The following CRACD variants were observed in gnomAD, a reference collection of about 807,000 sequenced individuals.
The protein encoded by CRACD is capping protein inhibiting regulator of actin dynamics.
A neutral mutation model predicts 106.8 loss-of-function variants in CRACD; 56 were observed. The observed-to-expected ratio is 0.52, with a 90% CI of 0.42 to 0.66. The LOEUF is 0.66. Among genes scored for constraint, CRACD ranks in the 30% least tolerant of loss-of-function variants. The pLI is 0.00. For missense variants in CRACD, 1,730 were observed against 1,623.2 expected (o/e 1.07, Z -1.13); for synonymous variants, 754 against 670.8 (o/e 1.12, Z -1.92).
chr4:56,314,845 C>A lies in CRACD; in HGVS notation c.1343C>A (p.Pro448Gln). The A allele has an allele frequency of 1.9e-6, 3 of 1,611,644 alleles. No individual in the cohort carries two copies. Among genetic ancestry groups the A allele is most frequent in the Non-Finnish European group, 2.5e-6 (3 of 1,179,392 alleles). The change falls in exon 8 of 11, where the codon CCA becomes CAA. Residue 448 changes from proline to glutamine, a missense_variant. Physicochemically the swap from Pro to Gln is moderately conservative, Grantham distance 76. Transcript: ENST00000682029. This position sits in a 1 kb window ranked among gnomAD's most constrained non-coding sequence, Gnocchi z 4.4. ...PEGQREHSEE[P>Q]GICEEQNPEA... ...GGACAAAGAGAACACTCCGAGGAGC[C>A]AGGTATTTGCGAGGAGCAGAACCCA...
intron 1 of CRACD, among the ~76,000 whole-genome samples, chr4:56,059,176 G>C (rs1465053531): frequency 6.6e-6 from 1 of 152,172 alleles, no homozygotes; most frequent in Non-Finnish European, 1.5e-5. Context: ...GGTGGCGCCT[G>C]TCTGTAGTCC....
At chr4:56,202,674 A>G (rs928407143) in intron 2 of CRACD, among the ~76,000 whole-genome samples, 3 of 152,228 alleles carry the variant, frequency 2.0e-5, no homozygotes, top group African/African-American at 4.8e-5. Flanking sequence ...AATTCTAATT[A>G]GTATATCAGC....
At chr4:56,180,928 T>C (rs931962895) in intron 2 of CRACD, among the ~76,000 whole-genome samples, 3 of 152,196 alleles carry the variant, frequency 2.0e-5, no homozygotes, top group Non-Finnish European at 4.4e-5. Flanking sequence ...TTAATTTTTT[T>C]CTAATTTTTT....
intron 1 of CRACD, among the ~76,000 whole-genome samples, chr4:56,146,832 G>T (rs1735399663): frequency 6.6e-6 from 1 of 152,126 alleles, no homozygotes; most frequent in Non-Finnish European, 1.5e-5. Context: ...TCACTGCTCA[G>T]AAGTCAAAGC....
chr4:56,197,957 G>T (rs1737699740), intron 2 of CRACD, among the ~76,000 whole-genome samples: 1 of 152,228 alleles, frequency 6.6e-6, no homozygotes, highest in South Asian at 2.1e-4. Context: ...AATTACAGGC[G>T]TGAGCACCTG....
At chr4:56,319,622 A>C (rs1745929370) in intron 8 of CRACD, among the ~76,000 whole-genome samples, 1 of 152,114 alleles carries the variant, frequency 6.6e-6, no homozygotes, top group South Asian at 2.1e-4. Flanking sequence ...GAAAAAAAAA[A>C]AGCTTGATTT....
At chr4:56,080,819 C>G (rs760354696) in intron 1 of CRACD, among the ~76,000 whole-genome samples, 5 of 152,124 alleles carry the variant, frequency 3.3e-5, no homozygotes, top group Non-Finnish European at 5.9e-5. Flanking sequence ...AGACACCTAC[C>G]CTTTAGTGAC....
chr4:56,053,183 A>G (rs530697774), intron 1 of CRACD, among the ~76,000 whole-genome samples: 57 of 152,352 alleles, frequency 3.7e-4, no homozygotes, highest in Middle Eastern at 3.4e-3. Context: ...AAGGCACAAA[A>G]TGAAGCCTTA....
chr4:56,153,375 C>T (rs751741780), intron 1 of CRACD, among the ~76,000 whole-genome samples: 2 of 152,154 alleles, frequency 1.3e-5, no homozygotes, highest in African/African-American at 2.4e-5. Context: ...CCTCTTCAGG[C>T]GAGAAACCTT....
At chr4:56,217,535 A>G (rs1310543332) in intron 2 of CRACD, among the ~76,000 whole-genome samples, 1 of 152,098 alleles carries the variant, frequency 6.6e-6, no homozygotes. Context: ...AATAGAAGGG[A>G]GTGTCTGGGT....
chr4:56,094,483 C>T (rs138078599), intron 1 of CRACD, among the ~76,000 whole-genome samples: 3,637 of 138,946 alleles, frequency 0.026, 56 homozygotes, highest in Admixed American at 0.065. Flanking sequence ...GGCTGGAGTG[C>T]AGTGGTGGGA....
intron 5 of CRACD, chr4:56,308,707 C>A: frequency 1.0e-6 from 1 of 981,376 alleles, no homozygotes; most frequent in Non-Finnish European, 1.2e-6. Flanking sequence ...CTGGCACCCA[C>A]GCATTGACAC....
At position 56,104,389 on chromosome 4, in the gene CRACD, C is replaced by T. The variant is rs907075404; in HGVS notation, c.-336+55090C>T. Among the ~76,000 whole-genome samples the T allele has an allele frequency of 6.9e-5, 10 of 145,486 alleles. No homozygotes were observed. In the South Asian group the frequency reaches 2.0e-3, roughly 29 times the overall value. ...AGCCTGGGCGACAGAGAGAGAGACC[C>T]TGTCTCAAAAAACAAACACAAAAAA... On this transcript the variant is annotated intron_variant, in intron 1 of 10. Transcript: ENST00000682029.
chr4:56,063,372 T>C (rs549394659), intron 1 of CRACD, among the ~76,000 whole-genome samples: 171 of 152,256 alleles, frequency 1.1e-3, no homozygotes, highest in African/African-American at 4.0e-3. Context: ...AAATTTTTTA[T>C]TGTGGTAAAA....
At chr4:56,214,681 C>CTCTA in intron 2 of CRACD, among the ~76,000 whole-genome samples, 1,049 of 81,010 alleles carry the variant, frequency 0.013, 36 homozygotes, top group South Asian at 0.035. Flanking sequence ...CTCTCTCTCT[C>CTCTA]TATATATATA....
intron 8 of CRACD, among the ~76,000 whole-genome samples, chr4:56,320,208 G>A (rs765371805): frequency 6.6e-6 from 1 of 151,804 alleles, no homozygotes; most frequent in Non-Finnish European, 1.5e-5. Context: ...AACGTACTTA[G>A]GGTGGATAAA....
chr4:56,058,604 A>T (rs1436175714), intron 1 of CRACD, among the ~76,000 whole-genome samples: 3 of 152,224 alleles, frequency 2.0e-5, no homozygotes, highest in Non-Finnish European at 4.4e-5. Context: ...GCTTCCTGTC[A>T]GTTTTGTGAG....
At chr4:56,298,388 G>A (rs1415285525) in intron 4 of CRACD, 39 bp downstream of exon 4, 1 of 1,609,640 alleles carries the variant, frequency 6.2e-7, no homozygotes, top group Non-Finnish European at 8.5e-7. Flanking sequence ...GCCATAGGAG[G>A]GGCCCAGTTA....
chr4:56,159,776 C>T (rs1381364900), intron 1 of CRACD, among the ~76,000 whole-genome samples: 2 of 152,188 alleles, frequency 1.3e-5, no homozygotes, highest in East Asian at 3.9e-4. Context: ...TTAAAAATAA[C>T]TTTATTGTTA....
Sources: gnomAD v4.1 joint callset for allele counts (sites outside exome capture counted in the v4.1 genomes callset) on GRCh38, gnomAD v4.1.1 for gene constraint, Gnocchi (gnomAD v3.1) non-coding constraint, MANE v1.5 for transcripts, NCBI Gene and HGNC (gene_info 2026-07-23, HGNC 2026-07-21) for gene names.